ALDH2: variants seen among roughly 807,000 people sequenced by gnomAD.
ALDH2 encodes the protein aldehyde dehydrogenase 2 family member, also known as aldehyde dehydrogenase, mitochondrial.
Under a neutral mutation model 59.6 loss-of-function variants are expected in ALDH2, and 44 were observed. That is an observed-to-expected ratio of 0.74 (90% CI 0.58 to 0.95). ALDH2 has a LOEUF of 0.95. Ranked by LOEUF, ALDH2 falls within the 40% of genes least tolerant of loss-of-function variation. The probability of loss-of-function intolerance (pLI) is 0.00; values close to 1 mark genes in which losing one functional copy is unlikely to be tolerated. For synonymous variants in ALDH2, 291 were observed against 284.0 expected (o/e 1.02, Z -0.25); for missense variants, 570 against 696.3 (o/e 0.82, Z 2.04).
At position 111,812,522 on chromosome 12, in the gene ALDH2, T is replaced by G. The variant is rs2068543039; in HGVS notation, c.*2947T>G. 1 of 152,132 alleles carries G rather than the reference T, an allele frequency of 6.6e-6. No homozygotes were observed. Among genetic ancestry groups the G allele is most frequent in the African/African-American group, 2.4e-5 (1 of 41,426 alleles). 9.4% of individuals were successfully genotyped at this position (152,132 alleles called of 1,614,324 possible). A position where few individuals can be genotyped will look rare whatever the true frequency, so the allele number is the denominator to read the frequency against. ...CTTTATCACCAGCTTAACCCTCATCTCATTATATAGGATGATATTACTTCT... is the reference window on the plus strand; with the variant it reads ...CTTTATCACCAGCTTAACCCTCATCGCATTATATAGGATGATATTACTTCT... On this transcript the variant is annotated 3_prime_UTR_variant, in exon 13 of 13. Coordinates refer to ENST00000261733, the MANE Select transcript of ALDH2 (RefSeq NM_000690.4).
At chr12:111,792,957 C>T (rs940027167) in intron 9 of ALDH2, among the ~76,000 whole-genome samples, 175 bp downstream of exon 9, 14 of 152,056 alleles carry the variant, frequency 9.2e-5, no homozygotes, top group Admixed American at 8.5e-4. Context: ...CATCCCGAGC[C>T]GTGCCCTGCC....
intron 12 of ALDH2, among the ~76,000 whole-genome samples, chr12:111,807,900 A>G (rs2068509632): frequency 6.7e-6 from 1 of 148,812 alleles, no homozygotes; most frequent in African/African-American, 2.5e-5. Context: ...TTTCTGAGCC[A>G]GAGTCTTGCT....
Position 111,815,212 on chromosome 12 carries a change from A to AT in ALDH2, c.*5643dup, listed in dbSNP as rs1448180080. 6.6e-6 allele frequency: 1 copy of AT among 152,054 alleles called. No homozygotes were observed. The highest frequency in any genetic ancestry group is 1.5e-5 in the Non-Finnish European group (1 of 68,026). 9.4% of individuals were successfully genotyped at this position (152,054 alleles called of 1,614,324 possible). ...TCAAGAGCTTCTTAACAATATTTTC[A>AT]TTTTTTATATTTTTTAATGACAGGG... On this transcript the variant is annotated 3_prime_UTR_variant, in exon 13 of 13. Coordinates refer to ENST00000261733, the MANE Select transcript of ALDH2 (RefSeq NM_000690.4).
chr12:111,780,511 G>A (rs2068263744), intron 1 of ALDH2, among the ~76,000 whole-genome samples: 1 of 152,118 alleles, frequency 6.6e-6, no homozygotes, highest in Non-Finnish European at 1.5e-5. Context: ...TGGACTGCTG[G>A]TCCTCCGGCT....
chr12:111,799,139 A>C (rs894646410), intron 10 of ALDH2, among the ~76,000 whole-genome samples: 1 of 151,728 alleles, frequency 6.6e-6, no homozygotes, highest in African/African-American at 2.4e-5. Context: ...CTGGGATTAC[A>C]GGCATGAGCC....
At chr12:111,806,450 G>GT (rs1466655116) in intron 12 of ALDH2, among the ~76,000 whole-genome samples, 1 of 152,230 alleles carries the variant, frequency 6.6e-6, no homozygotes, top group Non-Finnish European at 1.5e-5. Flanking sequence ...AGGCAAATGG[G>GT]TTGAGCTAGC....
chr12:111,785,167 C>A, intron 3 of ALDH2, 100 bp from the exon 4 acceptor site: 1 of 921,764 alleles, frequency 1.1e-6, no homozygotes, highest in Non-Finnish European at 1.8e-6. Context: ...CCTGGGCTTG[C>A]ACCAGCCCTT....
At chr12:111,792,518 G>T in intron 8 of ALDH2, 80 bp from the exon 9 acceptor site, 1 of 1,467,494 alleles carries the variant, frequency 6.8e-7, no homozygotes. Flanking sequence ...GTGGGAACAG[G>T]CTCCATTGGG....
chr12:111,794,389 CT>C, intron 9 of ALDH2, among the ~76,000 whole-genome samples: 1 of 152,232 alleles, frequency 6.6e-6, no homozygotes, highest in African/African-American at 2.4e-5. Flanking sequence ...AGGTAGCCTT[CT>C]CAGACTGGCT....
intron 1 of ALDH2, among the ~76,000 whole-genome samples, chr12:111,769,895 C>A (rs1166612464): frequency 6.6e-6 from 1 of 152,070 alleles, no homozygotes; most frequent in Non-Finnish European, 1.5e-5. Context: ...CCTGTAATCC[C>A]AGCATTTTGC....
chr12:111,805,145 A>G (rs903402728), intron 12 of ALDH2, among the ~76,000 whole-genome samples: 2 of 152,216 alleles, frequency 1.3e-5, no homozygotes, highest in Non-Finnish European at 2.9e-5. Context: ...ACAAACTAAT[A>G]TATCATCAAT....
In ALDH2 at chr12:111,792,128, G is replaced by T. The variant is rs773112716; in HGVS notation, c.863G>T (p.Gly288Val). Residue 288 changes from glycine (G) to valine (V), a missense_variant, in exon 8 of 13, where the codon GGG becomes GTG. Gly to Val is a moderately radical substitution (Grantham distance 109). Transcript: ENST00000261733. ...AAGAGAGTGACCTTGGAGCTGGGGG[G>T]GAAGAGCCCCAACATCATCATGTCA... ...NLKRVTLELG[G>V]KSPNIIMSDA... The T allele has an allele frequency of 6.2e-7, 1 of 1,607,564 alleles. No homozygotes were observed. The highest frequency in any genetic ancestry group is 1.7e-5 in the Admixed American group (1 of 57,318).
intron 1 of ALDH2, among the ~76,000 whole-genome samples, chr12:111,773,582 G>C (rs2068216663): frequency 6.6e-6 from 1 of 152,194 alleles, no homozygotes; most frequent in African/African-American, 2.4e-5. Context: ...CTGAGGCTCA[G>C]GGAGGTCAAG....
At chr12:111,785,508 G>A (rs978167560) in intron 4 of ALDH2, among the ~76,000 whole-genome samples, 162 bp downstream of exon 4, 20 of 152,140 alleles carry the variant, frequency 1.3e-4, no homozygotes, top group African/African-American at 4.8e-4. Flanking sequence ...TGGATTACGT[G>A]AGGTCAAGAG....
chr12:111,783,321 C>A (rs527533208), intron 3 of ALDH2, 23 bp downstream of exon 3: 1 of 1,584,004 alleles, frequency 6.3e-7, no homozygotes, highest in Middle Eastern at 1.9e-4. Context: ...CCCTTCTCCC[C>A]CTCAGATCCC....
At position 111,800,182 on chromosome 12, in the gene ALDH2, C is replaced by T. The variant is rs558809393; in HGVS notation, c.1406+119C>T. On this transcript the variant is annotated intron_variant, in intron 11 of 12. Coordinates refer to ENST00000261733, the MANE Select transcript of ALDH2 (RefSeq NM_000690.4). ...GAGCTGGGCTCAGTTTCTCCTGGGT[C>T]AGGGTGTGATGTCGATTTGAGAGGT... is the stretch of plus-strand genomic sequence containing the variant. 4.6e-4 allele frequency: 590 copies of T among 1,285,826 alleles called. 2 individuals carry two copies. In the African/African-American group the frequency reaches 5.5e-3, roughly 12 times the overall value. The allele number at this position is 1,285,826 out of a possible 1,614,324, so 79.7% of individuals were successfully genotyped here. A position where few individuals can be genotyped will look rare whatever the true frequency, so the allele number is the denominator to read the frequency against.
rs1212480081 is a variant in ALDH2, at chr12:111,766,950, C to G, written c.-33C>G. The G allele has an allele frequency of 6.6e-7, 1 of 1,508,466 alleles. No homozygotes were observed. 93.4% of individuals were successfully genotyped at this position (1,508,466 alleles called of 1,614,324 possible). A position where few individuals can be genotyped will look rare whatever the true frequency, so the allele number is the denominator to read the frequency against. ...GTGGCCCTGAGACCCTAGCTCTGCT[C>G]TCGGTCCGCTCGCTGTCCGCTAGCC... On this transcript the variant is annotated 5_prime_UTR_variant, in exon 1 of 13. Transcript: ENST00000261733.
At position 111,812,532 on chromosome 12, in the gene ALDH2, G is replaced by GAAGTAAATACTTCTA. The variant is rs2068543243; in HGVS notation, c.*2957_*2958insAAGTAAATACTTCTA. 6.6e-6 allele frequency: 1 copy of GAAGTAAATACTTCTA among 152,006 alleles called. No individual in the cohort carries two copies. 9.4% of individuals were successfully genotyped at this position (152,006 alleles called of 1,614,324 possible). Reference sequence around the variant, plus strand: ...AGCTTAACCCTCATCTCATTATATAGGATGATATTACTTCTAGGAAGATTT... The same window carrying GAAGTAAATACTTCTA: ...AGCTTAACCCTCATCTCATTATATAGAAGTAAATACTTCTAGATGATATTACTTCTAGGAAGATTT... On this transcript the variant is annotated 3_prime_UTR_variant, in exon 13 of 13. Transcript: ENST00000261733.
rs1296127780 is a variant in ALDH2, at chr12:111,814,386, AAAAAT to A, written c.*4812_*4816del. Reference sequence around the variant, plus strand: ...GAAACCCCATCTCTACCCAAAATACAAAAATTAGCTGGGCATGGTGGCTGGCACCT... The same window carrying A: ...GAAACCCCATCTCTACCCAAAATACATAGCTGGGCATGGTGGCTGGCACCT... On this transcript the variant is annotated 3_prime_UTR_variant, in exon 13 of 13. Transcript: ENST00000261733. The A allele has an allele frequency of 6.6e-6, 1 of 151,424 alleles. No individual in the cohort carries two copies. Among genetic ancestry groups the A allele is most frequent in the Admixed American group, 6.6e-5 (1 of 15,192 alleles). 9.4% of individuals were successfully genotyped at this position (151,424 alleles called of 1,614,324 possible). A position where few individuals can be genotyped will look rare whatever the true frequency, so the allele number is the denominator to read the frequency against.
Sources: allele counts gnomAD v4.1 joint callset (sites outside exome capture counted in the v4.1 genomes callset), GRCh38; gene constraint gnomAD v4.1.1; transcripts MANE v1.5; gene names NCBI Gene and HGNC (gene_info 2026-07-23, HGNC 2026-07-21).